The following GLRA3 variants were observed in gnomAD, a reference collection of about 807,000 sequenced individuals.
The protein encoded by GLRA3 is glycine receptor subunit alpha-3.
In GLRA3, 44 loss-of-function variants were observed where a neutral mutation model predicts 60.4. The ratio of observed to expected loss-of-function variants is 0.73; its 90% CI spans 0.57 to 0.94. GLRA3 has a LOEUF of 0.94. Among genes scored for constraint, GLRA3 ranks in the 40% least tolerant of loss-of-function variants. The probability of loss-of-function intolerance (pLI) is 0.00; values close to 1 mark genes in which losing one functional copy is unlikely to be tolerated. For missense variants in GLRA3, 508 were observed against 564.6 expected (o/e 0.90, Z 1.02); for synonymous variants, 223 against 192.9 (o/e 1.16, Z -1.29).
chr4:174,762,594 A>G (rs1334104259), intron 3 of GLRA3, among the ~76,000 whole-genome samples: 2 of 152,194 alleles, frequency 1.3e-5, no homozygotes, highest in Non-Finnish European at 1.5e-5. Context: ...ATGAAAAATA[A>G]AAGCTTTCAT....
In GLRA3 at chr4:174,637,875, A is replaced by C. The variant is rs2110818313; in HGVS notation, c.*5911T>G. ...TAGAAATTTTCATCAATTTCTATTTATCTATGTAGATAATTAATTTTATAT... is the reference window on the plus strand; with the variant it reads ...TAGAAATTTTCATCAATTTCTATTTCTCTATGTAGATAATTAATTTTATAT... On this transcript the variant is annotated 3_prime_UTR_variant, in exon 10 of 10. Coordinates refer to ENST00000274093, the MANE Select transcript of GLRA3 (RefSeq NM_006529.4). 1 of 152,284 alleles carries C rather than the reference A, an allele frequency of 6.6e-6. No individual in the cohort carries two copies. Among genetic ancestry groups the C allele is most frequent in the Non-Finnish European group, 1.5e-5 (1 of 68,024 alleles). 9.4% of individuals were successfully genotyped at this position (152,284 alleles called of 1,614,324 possible).
chr4:174,712,389 A>G (rs1004210388), intron 5 of GLRA3: 6 of 152,064 alleles, frequency 3.9e-5, no homozygotes, highest in African/African-American at 1.2e-4. Flanking sequence ...TGAAACAGAG[A>G]CTTTTTTGCT....
At chr4:174,768,117 C>A (rs535513007) in intron 2 of GLRA3, among the ~76,000 whole-genome samples, 1 of 152,230 alleles carries the variant, frequency 6.6e-6, no homozygotes, top group African/African-American at 2.4e-5. Context: ...AGGCAGAATA[C>A]TGACAAAGCT....
At position 174,643,933 on chromosome 4, in the gene GLRA3, T is replaced by G. The variant is rs1447442384; in HGVS notation, c.1248A>C (p.Glu416Asp). 1 of 1,613,992 alleles carries G rather than the reference T, an allele frequency of 6.2e-7. No homozygotes were observed. The highest frequency in any genetic ancestry group is 8.5e-7 in the Non-Finnish European group (1 of 1,179,922). Residue 416 changes from glutamate (E) to aspartate (D), a missense_variant, in exon 10 of 10, where the codon GAA (glutamate) becomes GAC (aspartate). Coordinates refer to ENST00000274093, the MANE Select transcript of GLRA3 (RefSeq NM_006529.4). ...CCCGGTCGATAAAGACCTTCCTCATTTCATCAGGACTTTTTGGCATTACCT... is the reference window on the plus strand; with the variant it reads ...CCCGGTCGATAAAGACCTTCCTCATGTCATCAGGACTTTTTGGCATTACCT... Reference protein sequence around the residue: ...PVQVMPKSPDEMRKVFIDRAK... With the variant: ...PVQVMPKSPDDMRKVFIDRAK...
intron 7 of GLRA3, among the ~76,000 whole-genome samples, chr4:174,661,550 C>T (rs986591220): frequency 6.6e-6 from 1 of 152,182 alleles, no homozygotes; most frequent in Non-Finnish European, 1.5e-5. Context: ...ATTTGGCCTT[C>T]CTGTTGGGAG....
intron 1 of GLRA3, among the ~76,000 whole-genome samples, chr4:174,813,350 A>T (rs1241747465): frequency 6.6e-6 from 1 of 152,180 alleles, no homozygotes; most frequent in Non-Finnish European, 1.5e-5. Flanking sequence ...TTGCCACCAA[A>T]ATTAGTGCAG....
At chr4:174,673,610 G>C (rs76472010) in intron 7 of GLRA3, among the ~76,000 whole-genome samples, 2,322 of 152,258 alleles carry the variant, frequency 0.015, 58 homozygotes, top group African/African-American at 0.053. Flanking sequence ...GCTGGAGGAA[G>C]AGAGCCAAGC....
intron 1 of GLRA3, among the ~76,000 whole-genome samples, chr4:174,804,782 T>C (rs1739967933): frequency 6.6e-6 from 1 of 152,112 alleles, no homozygotes. Flanking sequence ...TTCAGAAGGT[T>C]ATATAAATGA....
chr4:174,775,700 C>T (rs1034794931), intron 2 of GLRA3, among the ~76,000 whole-genome samples: 11 of 152,022 alleles, frequency 7.2e-5, no homozygotes, highest in Non-Finnish European at 1.2e-4. Flanking sequence ...GTTTTGTTGT[C>T]TTATAAACAT....
intron 7 of GLRA3, among the ~76,000 whole-genome samples, chr4:174,673,570 CG>C (rs1034839151): frequency 6.6e-6 from 1 of 151,994 alleles, no homozygotes; most frequent in African/African-American, 2.4e-5. Flanking sequence ...GGGATAGCCC[CG>C]GGAGGGGAAC....
intron 3 of GLRA3, among the ~76,000 whole-genome samples, chr4:174,748,172 G>T (rs956821853): frequency 1.3e-5 from 2 of 152,148 alleles, no homozygotes; most frequent in Admixed American, 1.3e-4. Context: ...AATAGATTTG[G>T]GAAGGAGTGG....
chr4:174,772,071 T>G (rs768082596), intron 2 of GLRA3, among the ~76,000 whole-genome samples: 12 of 152,316 alleles, frequency 7.9e-5, no homozygotes, highest in Non-Finnish European at 1.3e-4. Context: ...TATATTTGTT[T>G]TCTTTCTAAA....
intron 5 of GLRA3, among the ~76,000 whole-genome samples, chr4:174,685,993 T>C (rs756528295): frequency 6.6e-6 from 1 of 152,244 alleles, no homozygotes; most frequent in Non-Finnish European, 1.5e-5. Context: ...AAGCTTTATT[T>C]AGTGGCTAAT....
rs528198193 is a variant in GLRA3, at chr4:174,732,777, C to CTCTA, written c.268-4080_268-4079insTAGA. ...AAGCAATTTCTCTCTCTCTCTCTCTCTATATATATATATATTTATGTGTAT... is the reference window on the plus strand; with the variant it reads ...AAGCAATTTCTCTCTCTCTCTCTCTCTCTATATATATATATATATTTATGTGTAT... On this transcript the variant is annotated intron_variant, in intron 3 of 9. Coordinates refer to ENST00000274093, the MANE Select transcript of GLRA3 (RefSeq NM_006529.4). Among the ~76,000 whole-genome samples the CTCTA allele has an allele frequency of 6.1e-3, 909 of 149,822 alleles. 7 individuals are homozygous for CTCTA. The highest frequency in any genetic ancestry group is 0.018 in the African/African-American group (733 of 40,802).
intron 9 of GLRA3, among the ~76,000 whole-genome samples, chr4:174,648,799 G>T (rs2110854723): frequency 6.6e-6 from 1 of 152,194 alleles, no homozygotes; most frequent in Middle Eastern, 3.4e-3. Flanking sequence ...AAAGATCATG[G>T]CCAGAGGTAC....
intron 5 of GLRA3, among the ~76,000 whole-genome samples, chr4:174,699,855 C>T (rs896650516): frequency 6.7e-6 from 1 of 150,028 alleles, no homozygotes; most frequent in African/African-American, 2.4e-5. Flanking sequence ...ATAATTAATG[C>T]ATTAATTATT....
chr4:174,713,483 C>A (rs1181160777), intron 5 of GLRA3: 1 of 152,198 alleles, frequency 6.6e-6, no homozygotes, highest in Non-Finnish European at 1.5e-5. Context: ...CCCACTTCCT[C>A]ATCACTCACC....
chr4:174,667,965 T>C (rs1281853318), intron 7 of GLRA3, among the ~76,000 whole-genome samples: 1 of 151,988 alleles, frequency 6.6e-6, no homozygotes, highest in Non-Finnish European at 1.5e-5. Context: ...TGGTGGGAGG[T>C]AGTTCCATCG....
intron 2 of GLRA3, among the ~76,000 whole-genome samples, chr4:174,775,957 C>G (rs1738581253): frequency 1.3e-5 from 2 of 151,702 alleles, no homozygotes; most frequent in Admixed American, 1.3e-4. Context: ...ACAAATGAAA[C>G]AGAGGTAAGC....
Sources: allele counts gnomAD v4.1 joint callset (sites outside exome capture counted in the v4.1 genomes callset), GRCh38; gene constraint gnomAD v4.1.1; transcripts MANE v1.5; gene names NCBI Gene and HGNC (gene_info 2026-07-23, HGNC 2026-07-21).